CLCN5: variants seen among roughly 807,000 people sequenced by gnomAD.
The protein encoded by CLCN5 is H(+)/Cl(-) exchange transporter 5.
In CLCN5, 17 loss-of-function variants were observed where a neutral mutation model predicts 54.0. The observed-to-expected ratio is 0.31, with a 90% CI of 0.22 to 0.47. The LOEUF is 0.47. CLCN5 is among the 20% of genes least tolerant of loss of function. CLCN5 has a pLI of 1.00. For missense variants in CLCN5, 448 were observed against 646.7 expected, an observed-to-expected ratio of 0.69 and a Z score of 3.33; for synonymous variants, 222 against 233.0, an observed-to-expected ratio of 0.95 and a Z score of 0.43.
intron 3 of CLCN5, among the ~76,000 whole-genome samples, chrX:49,940,949 C>G (rs1250218513): frequency 2.7e-5 from 3 of 111,703 alleles, no homozygotes; most frequent in African/African-American, 9.8e-5. Flanking sequence ...CAGAATACTA[C>G]CCAACCACTT....
chrX:50,066,922 T>TG (rs1933045520), intron 4 of CLCN5, among the ~76,000 whole-genome samples: 1 of 110,871 alleles, frequency 9.0e-6, no homozygotes. Flanking sequence ...GATTTGTACA[T>TG]AAGCATAAAA....
intron 3 of CLCN5, among the ~76,000 whole-genome samples, chrX:49,972,259 T>C (rs1928260554): frequency 1.8e-5 from 2 of 109,836 alleles, no homozygotes; most frequent in Admixed American, 2.0e-4. Flanking sequence ...GACATTCTCT[T>C]ACACAACTAT....
intron 3 of CLCN5, among the ~76,000 whole-genome samples, chrX:49,995,239 G>C (rs913738699): frequency 5.4e-5 from 6 of 111,606 alleles, no homozygotes; most frequent in African/African-American, 1.6e-4. Context: ...TCCTGAATTA[G>C]TAAGTCACTT....
chrX:50,072,949 T>A (rs782037195), intron 6 of CLCN5, among the ~76,000 whole-genome samples: 4 of 110,299 alleles, frequency 3.6e-5, no homozygotes, highest in African/African-American at 1.3e-4. Context: ...GAAGAGGACT[T>A]CCTGAGACAT....
intron 3 of CLCN5, among the ~76,000 whole-genome samples, chrX:49,970,511 A>G (rs907565293): frequency 6.3e-5 from 7 of 111,801 alleles, no homozygotes; most frequent in Admixed American, 3.8e-4. Flanking sequence ...AAATGAAATC[A>G]TACAGTATGT....
chrX:50,076,046 A>G lies in CLCN5; in HGVS notation c.603+64A>G, dbSNP rs1334597622. On this transcript the variant is annotated intron_variant, in intron 7 of 14. Coordinates refer to ENST00000376091, the MANE Select transcript of CLCN5 (RefSeq NM_001127898.4). ...TTCTTACATTTATTTTATTTCTTAT[A>G]CTGTGCTCACAGCAATTGCGGAATC... The G allele has an allele frequency of 5.8e-5, 59 of 1,014,955 alleles. No individual in the cohort carries two copies. The South Asian group carries it at 9.9e-4, about 17-fold the overall frequency. The allele number at this position is 1,014,955 out of a possible 1,213,427, so 83.6% of individuals were successfully genotyped here.
chrX:49,974,744 G>A (rs1416767838), intron 3 of CLCN5, among the ~76,000 whole-genome samples: 2 of 111,757 alleles, frequency 1.8e-5, no homozygotes, highest in Non-Finnish European at 3.8e-5. Context: ...ATCAAAGATG[G>A]AGGTGTGAAG....
intron 3 of CLCN5, among the ~76,000 whole-genome samples, chrX:50,039,439 T>G (rs1225895020): frequency 8.9e-6 from 1 of 112,335 alleles, no homozygotes; most frequent in African/African-American, 3.2e-5. Context: ...TTTTGTCATG[T>G]GATTCTGTGT....
At chrX:50,032,232 C>A (rs1338239956) in intron 3 of CLCN5, among the ~76,000 whole-genome samples, 2 of 111,733 alleles carry the variant, frequency 1.8e-5, no homozygotes, top group African/African-American at 6.5e-5. Flanking sequence ...TGGGTATATA[C>A]CCAGTAATGG....
chrX:50,044,773 C>T (rs191809263), intron 4 of CLCN5, among the ~76,000 whole-genome samples: 1 of 111,221 alleles, frequency 9.0e-6, no homozygotes, highest in Admixed American at 9.6e-5. Context: ...GACCATTGTG[C>T]GGCCACCTCA....
At chrX:49,972,480 G>C (rs782077116) in intron 3 of CLCN5, among the ~76,000 whole-genome samples, 1 of 111,420 alleles carries the variant, frequency 9.0e-6, no homozygotes, top group East Asian at 2.8e-4. Flanking sequence ...TGAAGCAACC[G>C]GTCCAGAGGT....
intron 3 of CLCN5, among the ~76,000 whole-genome samples, chrX:49,944,471 C>T (rs1319064236): frequency 7.2e-5 from 8 of 111,748 alleles, no homozygotes; most frequent in African/African-American, 2.6e-4. Context: ...GAGGTCATCC[C>T]TGTCTTGTGC....
rs1284961053 is a variant in CLCN5 at position 50,097,005 on chromosome X, A to AT, written c.*4793dup. 5.4e-5 allele frequency: 6 copies of AT among 111,888 alleles called. No homozygotes were observed. Among genetic ancestry groups the AT allele is most frequent in the Middle Eastern group, 4.6e-3 (1 of 217 alleles). The allele number at this position is 111,888 out of a possible 1,213,427, so 9.2% of individuals were successfully genotyped here. ...AGATTGTCTTGAATTTTGATAGCAA[A>AT]TTTTTTTAAATTTATATTTCTGCCT... On this transcript the variant is annotated 3_prime_UTR_variant, in exon 15 of 15. Coordinates refer to ENST00000376091, the MANE Select transcript of CLCN5 (RefSeq NM_001127898.4).
intron 3 of CLCN5, among the ~76,000 whole-genome samples, chrX:50,018,273 T>C (rs948243932): frequency 8.9e-6 from 1 of 112,314 alleles, no homozygotes; most frequent in East Asian, 2.8e-4. Context: ...CAGTTTGTCA[T>C]TGCTAGTGTA....
intron 4 of CLCN5, among the ~76,000 whole-genome samples, chrX:50,060,017 C>T (rs1394417178): frequency 9.5e-6 from 1 of 105,065 alleles, no homozygotes; most frequent in East Asian, 3.0e-4. Context: ...TCTTCAGATA[C>T]TGTTACAGGT....
chrX:49,928,657 G>A (rs1159966598), intron 3 of CLCN5, among the ~76,000 whole-genome samples: 1 of 111,925 alleles, frequency 8.9e-6, no homozygotes, highest in Non-Finnish European at 1.9e-5. Flanking sequence ...CGGGCGCGGT[G>A]GCTCACGCCT....
chrX:50,062,852 T>G (rs1301245737), intron 4 of CLCN5, among the ~76,000 whole-genome samples: 29 of 105,356 alleles, frequency 2.8e-4, no homozygotes, highest in Non-Finnish European at 4.4e-4. Context: ...GGATTAAGAA[T>G]CTCACTCAAA....
At chrX:49,933,459 A>C (rs782161222) in intron 3 of CLCN5, among the ~76,000 whole-genome samples, 5 of 111,751 alleles carry the variant, frequency 4.5e-5, no homozygotes, top group Non-Finnish European at 9.4e-5. Context: ...CAGGTCTTGG[A>C]GTGCGATAAC....
chrX:50,082,437 C>G (rs1179491569), intron 9 of CLCN5, among the ~76,000 whole-genome samples: 1 of 109,435 alleles, frequency 9.1e-6, no homozygotes, highest in African/African-American at 3.3e-5. Context: ...CTCAGCCTCC[C>G]AAGTAGCTGA....
Sources: allele counts gnomAD v4.1 joint callset (sites outside exome capture counted in the v4.1 genomes callset), GRCh38; gene constraint gnomAD v4.1.1; transcripts MANE v1.5; gene names NCBI Gene and HGNC (gene_info 2026-07-23, HGNC 2026-07-21).